NALF1: variants seen among roughly 807,000 people sequenced by gnomAD.
NALF1 encodes family with sequence similarity 155 member A.
A neutral mutation model predicts 48.4 loss-of-function variants in NALF1; 3 were observed. The ratio of observed to expected loss-of-function variants is 0.06; its 90% confidence interval spans 0.03 to 0.16. The LOEUF is 0.16. Ranked by LOEUF, NALF1 falls within the 10% of genes least tolerant of loss-of-function variation. The pLI, the probability that NALF1 is intolerant of heterozygous loss-of-function variation, is 1.00. For missense variants in NALF1, 526 were observed against 571.5 expected (o/e 0.92, Z 0.81); for synonymous variants, 262 against 245.7 (o/e 1.07, Z -0.62).
At chr13:107,311,071 C>T (rs1046971489) in intron 1 of NALF1, among the ~76,000 whole-genome samples, 1 of 152,106 alleles carries the variant, frequency 6.6e-6, no homozygotes, top group Non-Finnish European at 1.5e-5. Context: ...CAGAGCTGGC[C>T]AAATATCCTA....
intron 1 of NALF1, among the ~76,000 whole-genome samples, chr13:107,416,093 G>A (rs138565485): frequency 0.033 from 4,938 of 151,062 alleles, 255 homozygotes; most frequent in African/African-American, 0.11. Context: ...TGCAAGCTCC[G>A]CCTCCTGGGT....
chr13:107,594,237 A>C (rs1878681278), intron 1 of NALF1, among the ~76,000 whole-genome samples: 1 of 152,080 alleles, frequency 6.6e-6, no homozygotes, highest in Admixed American at 6.6e-5. Context: ...GCAATAGTGC[A>C]AAATTTTACT....
intron 1 of NALF1, among the ~76,000 whole-genome samples, chr13:107,537,029 A>G (rs1035830652): frequency 2.0e-5 from 3 of 152,108 alleles, no homozygotes; most frequent in African/African-American, 7.2e-5. Flanking sequence ...GAATTGAACA[A>G]TGAGAACACT....
intron 1 of NALF1, among the ~76,000 whole-genome samples, chr13:107,843,226 T>C (rs1425524924): frequency 1.3e-5 from 2 of 152,194 alleles, no homozygotes; most frequent in Non-Finnish European, 2.9e-5. Flanking sequence ...ATTTAATCTA[T>C]ACAACAATGC....
At chr13:107,384,951 A>G (rs531173920) in intron 1 of NALF1, among the ~76,000 whole-genome samples, 1 of 152,352 alleles carries the variant, frequency 6.6e-6, no homozygotes, top group South Asian at 2.1e-4. Flanking sequence ...TGGGACTTCA[A>G]GCAAGCACAT....
intron 1 of NALF1, among the ~76,000 whole-genome samples, chr13:107,650,598 A>G (rs920253952): frequency 3.0e-4 from 46 of 151,958 alleles, no homozygotes; most frequent in Admixed American, 3.0e-3. Flanking sequence ...AGAGAGGGGA[A>G]AGGGAAAAAA....
chr13:107,481,737 T>G (rs1300545184), intron 1 of NALF1, among the ~76,000 whole-genome samples: 1 of 152,052 alleles, frequency 6.6e-6, no homozygotes, highest in Non-Finnish European at 1.5e-5. Context: ...TGGGTGCATC[T>G]AATTAACAGC....
At chr13:107,263,698 C>T (rs766913845) in intron 1 of NALF1, among the ~76,000 whole-genome samples, 21 of 152,134 alleles carry the variant, frequency 1.4e-4, no homozygotes, top group Non-Finnish European at 2.8e-4. Flanking sequence ...GTGATGCCTC[C>T]CCAGCCATGT....
chr13:107,508,713 G>A (rs1439127386), intron 1 of NALF1, among the ~76,000 whole-genome samples: 1 of 152,074 alleles, frequency 6.6e-6, no homozygotes, highest in Non-Finnish European at 1.5e-5. Flanking sequence ...AAGCCTGGCT[G>A]TGCACGATTA....
intron 1 of NALF1, among the ~76,000 whole-genome samples, chr13:107,316,056 C>A (rs548958679): frequency 6.6e-6 from 1 of 151,976 alleles, no homozygotes; most frequent in African/African-American, 2.4e-5. Flanking sequence ...TCTTCCCCCA[C>A]CCCACAACAG....
chr13:107,499,297 T>C (rs1308957203), intron 1 of NALF1, among the ~76,000 whole-genome samples: 3 of 152,190 alleles, frequency 2.0e-5, no homozygotes, highest in Non-Finnish European at 4.4e-5. Flanking sequence ...GATAAACTAT[T>C]AGAACTAAAT....
intron 1 of NALF1, among the ~76,000 whole-genome samples, chr13:107,547,704 C>A (rs1877172119): frequency 6.6e-6 from 1 of 152,142 alleles, no homozygotes; most frequent in African/African-American, 2.4e-5. Context: ...TCATCCTAAG[C>A]ACTTGGGGCC....
intron 1 of NALF1, among the ~76,000 whole-genome samples, chr13:107,576,575 A>C (rs1878155669): frequency 6.6e-6 from 1 of 152,198 alleles, no homozygotes; most frequent in Non-Finnish European, 1.5e-5. Context: ...GTAAGACTAC[A>C]TACAGAGTCT....
rs71121533 is a variant in NALF1 at position 107,556,296 on chromosome 13, TAC to T, written c.915+309384_915+309385del. 3.2e-3 allele frequency among the ~76,000 whole-genome samples: 315 copies of T among 98,548 alleles called. 3 individuals are homozygous for T. The highest frequency in any genetic ancestry group is 0.01 in the East Asian group (30 of 2,976). The allele number at this position is 98,548 out of a possible 152,430, so 64.7% of individuals were successfully genotyped here. A position where few individuals can be genotyped will look rare whatever the true frequency, so the allele number is the denominator to read the frequency against. ...ACATATATATATATATATATATATA[TAC>T]ACACACACACACACACACACATATA... On this transcript the variant is annotated intron_variant, in intron 1 of 2. Transcript: ENST00000375915.
At chr13:107,350,389 C>T (rs1882852392) in intron 1 of NALF1, among the ~76,000 whole-genome samples, 1 of 152,192 alleles carries the variant, frequency 6.6e-6, no homozygotes, top group Non-Finnish European at 1.5e-5. Context: ...ATTTTAAGTG[C>T]TTCACATAAA....
At chr13:107,324,804 A>T (rs1437411149) in intron 1 of NALF1, among the ~76,000 whole-genome samples, 1 of 152,216 alleles carries the variant, frequency 6.6e-6, no homozygotes, top group Admixed American at 6.5e-5. Flanking sequence ...AAAAGAGCTG[A>T]AGTTATATTG....
intron 1 of NALF1, among the ~76,000 whole-genome samples, chr13:107,260,850 G>C (rs940043598): frequency 2.6e-5 from 4 of 152,170 alleles, no homozygotes; most frequent in Non-Finnish European, 5.9e-5. Flanking sequence ...GAGTTAAGGA[G>C]TTCTATAAGC....
chr13:107,402,919 T>C (rs747030832), intron 1 of NALF1, among the ~76,000 whole-genome samples: 1 of 152,176 alleles, frequency 6.6e-6, no homozygotes, highest in Admixed American at 6.6e-5. Flanking sequence ...AGCCACTCTG[T>C]CATTCTACCA....
chr13:107,298,856 T>C (rs980156000), intron 1 of NALF1, among the ~76,000 whole-genome samples: 7 of 152,222 alleles, frequency 4.6e-5, no homozygotes, highest in Admixed American at 6.5e-5. Flanking sequence ...ACAACTTACA[T>C]AACTACAATG....
Sources: allele counts gnomAD v4.1 joint callset (sites outside exome capture counted in the v4.1 genomes callset), GRCh38; gene constraint gnomAD v4.1.1; transcripts MANE v1.5; gene names NCBI Gene and HGNC (gene_info 2026-07-23, HGNC 2026-07-21).